Variants in GATM observed in about 807,000 individuals in gnomAD.
GATM encodes the protein glycine amidinotransferase, mitochondrial.
Under a neutral mutation model 54.2 loss-of-function variants are expected in GATM, and 23 were observed. The ratio of observed to expected loss-of-function variants is 0.42; its 90% CI spans 0.31 to 0.60. The LOEUF (loss-of-function observed/expected upper bound fraction) is 0.60, where lower values mean the gene tolerates loss of function less well. Ranked by LOEUF, GATM falls within the 20% of genes least tolerant of loss-of-function variation. GATM has a pLI of 0.14. For synonymous variants in GATM, 168 were observed against 183.1 expected (o/e 0.92, Z 0.67); for missense variants, 401 against 544.9 (o/e 0.74, Z 2.63).
chr15:45,378,642 C>T (rs1424680009), upstream of GATM: 2 of 455,130 alleles, frequency 4.4e-6, no homozygotes, highest in Non-Finnish European at 7.7e-6. Flanking sequence ...GTGGGGCCGG[C>T]GTAGCGCCCC....
chr15:45,369,651 T>G, intron 2 of GATM, 130 bp from the exon 3 acceptor site: 1 of 793,706 alleles, frequency 1.3e-6, no homozygotes, highest in South Asian at 1.5e-5. Flanking sequence ...TGTTCAGTGC[T>G]GATCCCTAGC....
intron 3 of GATM, among the ~76,000 whole-genome samples, chr15:45,392,696 T>C (rs1047728214): frequency 6.6e-6 from 1 of 152,232 alleles, no homozygotes; most frequent in African/African-American, 2.4e-5. Context: ...CCAAAAGCAT[T>C]GTATTTGATC....
chr15:45,369,665 G>A (rs770877199), intron 2 of GATM, 144 bp from the exon 3 acceptor site: 1 of 728,946 alleles, frequency 1.4e-6, no homozygotes, highest in Admixed American at 2.1e-5. Context: ...CCCTAGCATT[G>A]AGCACATAAG....
At chr15:45,384,570 T>C (rs1889784628) in intron 3 of GATM, among the ~76,000 whole-genome samples, 1 of 152,174 alleles carries the variant, frequency 6.6e-6, no homozygotes, top group South Asian at 2.1e-4. Context: ...GTCTGTCCCA[T>C]TGGGATGGTT....
chr15:45,374,105 CTAGCAAACCTCTTAA>C (rs1435967710), intron 2 of GATM, among the ~76,000 whole-genome samples: 1 of 152,168 alleles, frequency 6.6e-6, no homozygotes, highest in Non-Finnish European at 1.5e-5. Context: ...AGATAGCAAA[CTAGCAAACCTCTTAA>C]TATCTTCATT....
upstream of GATM, among the ~76,000 whole-genome samples, chr15:45,383,080 A>T (rs1889761983): frequency 6.6e-6 from 1 of 152,144 alleles, no homozygotes; most frequent in Non-Finnish European, 1.5e-5. Flanking sequence ...GTATATCCCT[A>T]GCACAGTGCC....
At chr15:45,381,948 G>C (rs1340716548), upstream of GATM, among the ~76,000 whole-genome samples, 1 of 152,208 alleles carries the variant, frequency 6.6e-6, no homozygotes, top group South Asian at 2.1e-4. Context: ...GAGGGGACCT[G>C]GATGACTAGG....
intron 3 of GATM, among the ~76,000 whole-genome samples, chr15:45,385,749 G>A (rs1889796777): frequency 6.6e-6 from 1 of 152,106 alleles, no homozygotes; most frequent in African/African-American, 2.4e-5. Context: ...CCATACTAGG[G>A]CGAGAAAACA....
At chr15:45,378,782 A>G (rs2140662102), upstream of GATM, 1 of 299,268 alleles carries the variant, frequency 3.3e-6, no homozygotes, top group East Asian at 6.6e-5. Context: ...GAGCGTCGCA[A>G]GAAGGCCCGT....
intron 2 of GATM, among the ~76,000 whole-genome samples, chr15:45,375,515 T>C (rs1889617560): frequency 6.6e-6 from 1 of 152,114 alleles, no homozygotes; most frequent in Admixed American, 6.5e-5. Flanking sequence ...GAGACTTAGG[T>C]AGGGGCAAAG....
exon 1 of GATM, chr15:45,402,114 A>G (rs936297585): frequency 2.7e-6 from 1 of 374,374 alleles, no homozygotes; most frequent in Non-Finnish European, 4.8e-6. Context: ...ATATGTAACC[A>G]CCAAAGTACA....
chr15:45,361,679 G>A lies in GATM; in HGVS notation c.*430C>T, dbSNP rs1595481327. 1 of 389,698 alleles carries A rather than the reference G, an allele frequency of 2.6e-6. No homozygotes were observed. The highest frequency in any genetic ancestry group is 4.1e-5 in the Admixed American group (1 of 24,394). 24.1% of individuals were successfully genotyped at this position (389,698 alleles called of 1,614,324 possible). A position where few individuals can be genotyped will look rare whatever the true frequency, so the allele number is the denominator to read the frequency against. On this transcript the variant is annotated 3_prime_UTR_variant, in exon 9 of 9. Transcript: ENST00000396659. ...GATAATCTGATTCTATTTTGGATCT[G>A]TGTACATTCTAAGTCTTTCTCTCAT...
At chr15:45,372,246 G>A (rs917892909) in intron 2 of GATM, among the ~76,000 whole-genome samples, 2 of 152,190 alleles carry the variant, frequency 1.3e-5, no homozygotes, top group South Asian at 4.1e-4. Flanking sequence ...AACAGAGACC[G>A]ATGGTCTGCA....
rs959605104 is a variant in GATM, at chr15:45,395,803, G to A, written c.-319+1119C>T. ...GTCCACCATTGTACTATAGTGCTCT[G>A]GATGTCATTCCCTCCCATTTACCGC... On this transcript the variant is annotated intron_variant, in intron 3 of 4. Transcript: ENST00000561148. Among the ~76,000 whole-genome samples the A allele has an allele frequency of 3.3e-5, 5 of 152,218 alleles. No homozygotes were observed. In the East Asian group the frequency reaches 7.7e-4, roughly 23 times the overall value.
chr15:45,392,600 T>A (rs907623787), intron 3 of GATM, among the ~76,000 whole-genome samples: 1 of 152,178 alleles, frequency 6.6e-6, no homozygotes, highest in Non-Finnish European at 1.5e-5. Context: ...TTCTGAGAAG[T>A]AGGATGCTGG....
upstream of GATM, chr15:45,379,138 T>A (rs1889698600): frequency 6.6e-6 from 1 of 152,324 alleles, no homozygotes; most frequent in African/African-American, 2.4e-5. Context: ...TGCCCCTGGC[T>A]TGAGAAACTC....
At chr15:45,376,542 G>A (rs987709289) in intron 2 of GATM, 59 bp downstream of exon 2, 2 of 1,407,520 alleles carry the variant, frequency 1.4e-6, no homozygotes, top group Non-Finnish European at 2.0e-6. Flanking sequence ...CAGTCAGAGG[G>A]TAGCAGCAGC....
Position 45,362,142 on chromosome 15 carries a change from C to T in GATM, c.1239G>A (p.Arg413=), listed in dbSNP as rs550159982. The change falls in exon 9 of 9, where the codon CGG becomes CGA. Residue 413 remains arginine (R), a synonymous_variant. Coordinates refer to ENST00000396659, the MANE Select transcript of GATM (RefSeq NM_001482.3). ...GGFHCWTCDV[R]RRGTLQSYLD is the part of the protein sequence containing the mutation. ...AGTAGGACTGTAAGGTGCCTCGGCG[C>T]CGGACATCGCAGGTCCAGCAATGGA... 58 of 1,613,874 alleles carry T rather than the reference C, an allele frequency of 3.6e-5. No individual in the cohort carries two copies. In the Admixed American group the frequency reaches 8.5e-4, roughly 24 times the overall value.
chr15:45,364,135 G>A, intron 7 of GATM, 119 bp from the exon 8 acceptor site: 1 of 744,742 alleles, frequency 1.3e-6, no homozygotes, highest in Non-Finnish European at 2.4e-6. Context: ...CTTTCCATGT[G>A]AACATTTATT....
Sources: allele counts gnomAD v4.1 joint callset (sites outside exome capture counted in the v4.1 genomes callset), GRCh38; gene constraint gnomAD v4.1.1; transcripts MANE v1.5; gene names NCBI Gene and HGNC (gene_info 2026-07-23, HGNC 2026-07-21).